The following MGLL variants were observed in gnomAD, a reference collection of about 807,000 sequenced individuals.
The protein encoded by MGLL is monoglyceride lipase, also known as lysophospholipase homolog.
MGLL carries 7 observed loss-of-function variants against 29.1 expected under a neutral mutation model. That is an observed-to-expected ratio of 0.24 (90% CI 0.14 to 0.45). MGLL has a LOEUF of 0.45. Among genes scored for constraint, MGLL ranks in the 20% least tolerant of loss-of-function variants. The pLI, the probability that MGLL is intolerant of heterozygous loss-of-function variation, is 0.99. For synonymous variants in MGLL, 148 were observed against 168.3 expected (o/e 0.88, Z 0.93); for missense variants, 356 against 413.6 (o/e 0.86, Z 1.21).
chr3:127,716,706 G>T (rs2075822478), intron 5 of MGLL, among the ~76,000 whole-genome samples: 1 of 152,244 alleles, frequency 6.6e-6, no homozygotes. Flanking sequence ...TGAAAGCCTT[G>T]CCATGAGGAA....
chr3:127,714,529 G>A (rs191460036), intron 5 of MGLL, among the ~76,000 whole-genome samples: 9 of 152,218 alleles, frequency 5.9e-5, no homozygotes, highest in African/African-American at 9.7e-5. Flanking sequence ...GTGTCCCGGC[G>A]ACAATAACTG....
intron 3 of MGLL, among the ~76,000 whole-genome samples, chr3:127,759,053 G>T (rs763693020): frequency 6.6e-6 from 1 of 151,680 alleles, no homozygotes; most frequent in Non-Finnish European, 1.5e-5. Context: ...GTCCTGAGTA[G>T]CTAGCTGGGA....
At chr3:127,782,662 C>T (rs1415226932) in intron 2 of MGLL, among the ~76,000 whole-genome samples, 1 of 152,188 alleles carries the variant, frequency 6.6e-6, no homozygotes, top group Non-Finnish European at 1.5e-5. Flanking sequence ...TAGCAGAAGA[C>T]CTACGGAGAG....
intron 2 of MGLL, among the ~76,000 whole-genome samples, chr3:127,782,796 T>C (rs1478069646): frequency 6.6e-6 from 1 of 152,198 alleles, no homozygotes; most frequent in Non-Finnish European, 1.5e-5. Flanking sequence ...GAGCATTTAC[T>C]ATGCACCCGT....
At chr3:127,717,888 C>T (rs1236710517) in intron 5 of MGLL, among the ~76,000 whole-genome samples, 3 of 152,158 alleles carry the variant, frequency 2.0e-5, no homozygotes, top group Admixed American at 6.5e-5. Flanking sequence ...GCACGAGCCG[C>T]GAGCCATGGT....
chr3:127,801,921 T>C (rs1211601047), intron 2 of MGLL, among the ~76,000 whole-genome samples: 1 of 151,972 alleles, frequency 6.6e-6, no homozygotes, highest in Non-Finnish European at 1.5e-5. Context: ...AACCCATGCT[T>C]GTCACCAGAC....
intron 2 of MGLL, among the ~76,000 whole-genome samples, chr3:127,789,232 G>A (rs1428965894): frequency 6.6e-6 from 1 of 152,180 alleles, no homozygotes; most frequent in African/African-American, 2.4e-5. Flanking sequence ...GCAAAGCCCA[G>A]CCATGGTGGG....
chr3:127,764,713 T>C (rs2076826380), intron 3 of MGLL, among the ~76,000 whole-genome samples: 1 of 152,230 alleles, frequency 6.6e-6, no homozygotes, highest in Admixed American at 6.5e-5. Context: ...GTAGGTAATA[T>C]CACACCACTT....
At chr3:127,788,505 A>G (rs920966795) in intron 2 of MGLL, among the ~76,000 whole-genome samples, 1 of 152,100 alleles carries the variant, frequency 6.6e-6, no homozygotes, top group Admixed American at 6.5e-5. Flanking sequence ...GTCATGCCCC[A>G]AAAGCCCCTC....
At chr3:127,738,251 T>C (rs889527001) in intron 3 of MGLL, among the ~76,000 whole-genome samples, 38 of 151,140 alleles carry the variant, frequency 2.5e-4, no homozygotes, top group African/African-American at 7.3e-4. Context: ...CAGGGAGCCG[T>C]GATTTCACCA....
chr3:127,808,163 T>C (rs997838518), intron 2 of MGLL, among the ~76,000 whole-genome samples: 1 of 152,218 alleles, frequency 6.6e-6, no homozygotes, highest in African/African-American at 2.4e-5. Context: ...TTTCCAGATC[T>C]ATGATGATTC....
chr3:127,822,410 G>A lies in MGLL; in HGVS notation c.-92C>T, dbSNP rs367653064. 18 of 1,391,280 alleles carry A rather than the reference G, an allele frequency of 1.3e-5. No homozygotes were observed. In the African/African-American group the frequency reaches 1.6e-4, roughly 12 times the overall value. The allele number at this position is 1,391,280 out of a possible 1,614,324, so 86.2% of individuals were successfully genotyped here. ...GTTCCCTCATCTGGGCGGCCCCAAG[G>A]CAGCAGGAAGGCAGCTCCGAGCCCT... On this transcript the variant is annotated 5_prime_UTR_variant, in exon 1 of 8. Coordinates refer to ENST00000265052, the MANE Select transcript of MGLL (RefSeq NM_007283.7).
chr3:127,720,790 C>A (rs935171635), intron 5 of MGLL, among the ~76,000 whole-genome samples: 10 of 152,320 alleles, frequency 6.6e-5, no homozygotes, highest in African/African-American at 2.4e-4. Context: ...ACAAGTCTAA[C>A]CTCGTCTCCT....
chr3:127,791,723 C>T (rs116253967), intron 2 of MGLL, among the ~76,000 whole-genome samples: 1,734 of 152,322 alleles, frequency 0.011, 42 homozygotes, highest in South Asian at 0.094. Flanking sequence ...TGAACTGCAT[C>T]GGCTCCATTT....
chr3:127,715,512 TG>T (rs2075796116), intron 5 of MGLL: 1 of 359,678 alleles, frequency 2.8e-6, no homozygotes, highest in African/African-American at 2.1e-5. Flanking sequence ...CAGGATGTTT[TG>T]AACAACTGCA....
intron 5 of MGLL, chr3:127,713,734 G>A (rs2075763510): frequency 6.6e-6 from 1 of 152,252 alleles, no homozygotes; most frequent in Admixed American, 6.5e-5. Flanking sequence ...TTCAGGATCA[G>A]TCATTTGTGA....
chr3:127,722,545 C>T lies in MGLL; in HGVS notation c.284G>A (p.Gly95Glu), dbSNP rs1185936635. The change falls in exon 4 of 8, where the codon GGG becomes GAG. Residue 95 changes from glycine to glutamate, a missense_variant. Gly to Glu is a moderately conservative substitution (Grantham distance 98). Transcript: ENST00000265052. ...GAAGTCAGACACTACCATCCTCTCC[C>T]CTTCGCTCTGTCCGTGGCCAACTGG... ...HDHVGHGQSE[G>E]ERMVVSDFHV... 1 of 1,614,112 alleles carries T rather than the reference C, an allele frequency of 6.2e-7. No individual in the cohort carries two copies. Among genetic ancestry groups the T allele is most frequent in the Non-Finnish European group, 8.5e-7 (1 of 1,180,060 alleles).
In MGLL at chr3:127,692,138, A is replaced by G. The variant is rs1433387196; in HGVS notation, c.*60T>C. 1.8e-5 allele frequency: 23 copies of G among 1,262,904 alleles called. No homozygotes were observed. The highest frequency in any genetic ancestry group is 2.4e-5 in the Non-Finnish European group (22 of 908,010). 78.2% of individuals were successfully genotyped at this position (1,262,904 alleles called of 1,614,324 possible). A position where few individuals can be genotyped will look rare whatever the true frequency, so the allele number is the denominator to read the frequency against. ...TTTGGCAAGCCATATCTGAGAAGCC[A>G]TCTCTGCCCTTCCCCTGCCTGCATC... On this transcript the variant is annotated 3_prime_UTR_variant, in exon 8 of 8. Transcript: ENST00000265052.
chr3:127,759,678 G>A (rs994607457), intron 3 of MGLL, among the ~76,000 whole-genome samples: 2 of 152,234 alleles, frequency 1.3e-5, no homozygotes, highest in Admixed American at 1.3e-4. Context: ...TGACTTCAGA[G>A]ACTCTTGGTT....
Sources: gnomAD v4.1 joint callset for allele counts (sites outside exome capture counted in the v4.1 genomes callset) on GRCh38, gnomAD v4.1.1 for gene constraint, MANE v1.5 for transcripts, NCBI Gene and HGNC (gene_info 2026-07-23, HGNC 2026-07-21) for gene names.